HLA-F: variants seen among roughly 807,000 people sequenced by gnomAD.
HLA-F encodes the protein major histocompatibility complex, class I, F, also known as HLA class I histocompatibility antigen, alpha chain F.
A neutral mutation model predicts 49.5 loss-of-function variants in HLA-F; 46 were observed. The observed-to-expected ratio is 0.93, with a 90% CI of 0.73 to 1.19. The LOEUF (loss-of-function observed/expected upper bound fraction) is 1.19. Ranked by LOEUF, HLA-F falls within the 50% of genes most tolerant of loss-of-function variation. The pLI is 0.00. For synonymous variants in HLA-F, 203 were observed against 233.5 expected, an observed-to-expected ratio of 0.87 and a Z score of 1.19; for missense variants, 496 against 579.6, an observed-to-expected ratio of 0.86 and a Z score of 1.48.
In HLA-F at chr6:29,724,432, G is replaced by A; in HGVS notation, c.594G>A (p.Glu198=). ...GCAGATACTTGGAGAATGGGAAGGA[G>A]ACGCTACAGCGCGCAGGTACCAGGG... is the stretch of plus-strand genomic sequence containing the variant. ...LLRRYLENGK[E]TLQRADPPKA... Residue 198 remains glutamate, a synonymous_variant, in exon 3 of 7, where the codon GAG becomes GAA. Transcript: ENST00000259951. 1.2e-6 allele frequency: 2 copies of A among 1,613,228 alleles called. No homozygotes were observed. Among genetic ancestry groups the A allele is most frequent in the East Asian group, 2.2e-5 (1 of 44,876 alleles).
rs117134202 is a variant in HLA-F at position 29,725,751 on chromosome 6, T to G, written c.1003+188T>G. The stretch of plus-strand genomic sequence containing the variant: ...CCTGTGAAAATGAAGGACAGATTCT[T>G]CACTTCGATGATTATGGTGGTGATG... On this transcript the variant is annotated intron_variant, in intron 5 of 6. Coordinates refer to ENST00000259951, the MANE Select transcript of HLA-F (RefSeq NM_001098479.2). 7.2e-5 allele frequency among the ~76,000 whole-genome samples: 11 copies of G among 152,306 alleles called. No individual in the cohort carries two copies. The East Asian group carries it at 2.1e-3, about 29-fold the overall frequency.
At position 29,723,661 on chromosome 6, in the gene HLA-F, C is replaced by T; in HGVS notation, c.68C>T (p.Ser23Phe). ...ALALTDTWAG[S>F]HSLRYFSTAV... ...CTCAGCCCCTCCTCGCCCCCAGGCT[C>T]CCACTCCTTGAGGTATTTCAGCACC... The change falls in exon 2 of 7, where the codon TCC (serine) becomes TTC (phenylalanine). Residue 23 changes from serine to phenylalanine, a missense_variant. Physicochemically the swap from Ser to Phe is radical, Grantham distance 155. Transcript: ENST00000259951. 1.9e-6 allele frequency: 3 copies of T among 1,608,372 alleles called. No individual in the cohort carries two copies. Among genetic ancestry groups the T allele is most frequent in the East Asian group, 2.2e-5 (1 of 44,820 alleles).
chr6:29,734,923 T>A (rs367724636), intron 3 of HLA-F: 2 of 152,182 alleles, frequency 1.3e-5, no homozygotes, highest in South Asian at 2.1e-4. Flanking sequence ...GAAATATGTA[T>A]CCTTTTGTAG....
chr6:29,738,272 G>C (rs2523391), intron 4 of HLA-F: 59,901 of 151,962 alleles, frequency 0.39, 11,983 homozygotes, highest in Non-Finnish European at 0.44. Context: ...GGTGGATGCC[G>C]GGGCTGAGCT....
rs1309391880 is a variant in HLA-F, at chr6:29,723,803, G to A, written c.210G>A (p.Glu70=). The A allele has an allele frequency of 1.6e-5, 26 of 1,606,680 alleles. No individual in the cohort carries two copies. Among genetic ancestry groups the A allele is most frequent in the Non-Finnish European group, 2.2e-5 (26 of 1,177,010 alleles). ...CGATTCCGAGGATGGAGCCGCGGGA[G>A]CCGTGGGTGGAGCAAGAGGGGCCGC... ...DAAIPRMEPR[E]PWVEQEGPQY... The change falls in exon 2 of 7, where the codon GAG becomes GAA. Residue 70 remains glutamate, a synonymous_variant. Coordinates refer to ENST00000259951, the MANE Select transcript of HLA-F (RefSeq NM_001098479.2).
chr6:29,724,528 A>G lies in HLA-F; in HGVS notation c.610+80A>G, dbSNP rs1632953. 0.83 allele frequency: 1,213,291 copies of G among 1,459,942 alleles called. 506,045 individuals carry two copies. The highest frequency in any genetic ancestry group is 0.99 in the East Asian group (43,001 of 43,430). 90.4% of individuals were successfully genotyped at this position (1,459,942 alleles called of 1,614,324 possible). A position where few individuals can be genotyped will look rare whatever the true frequency, so the allele number is the denominator to read the frequency against. ...TCGCACAAGGTTGGGAGGAAAGTGG[A>G]CCCAATGCTAGGATATCGCCCTCCC... On this transcript the variant is annotated intron_variant, in intron 3 of 6. Transcript: ENST00000259951.
rs778151384 is a variant in HLA-F, at chr6:29,726,037, G to T, written c.1030G>T (p.Ala344Ser). 6 of 1,613,854 alleles carry T rather than the reference G, an allele frequency of 3.7e-6. No homozygotes were observed. In the South Asian group the frequency reaches 5.5e-5, roughly 15 times the overall value. The change falls in exon 6 of 7, where the codon GCT becomes TCT. Residue 344 changes from alanine to serine, a missense_variant. Ala to Ser is a moderately conservative substitution (Grantham distance 99). Coordinates refer to ENST00000259951, the MANE Select transcript of HLA-F (RefSeq NM_001098479.2). The part of the protein sequence containing the change: ...SDRNRGSYSQ[A>S]AAYSVVSGNL... Reference sequence around the variant, plus strand: ...TAGAAACAGAGGGAGCTACTCTCAGGCTGCAGGTAAGATGAAGGAGGCTGA... The same window carrying T: ...TAGAAACAGAGGGAGCTACTCTCAGTCTGCAGGTAAGATGAAGGAGGCTGA...
intron 6 of HLA-F, chr6:29,726,513 T>C: frequency 1.3e-6 from 2 of 1,542,056 alleles, no homozygotes; most frequent in Non-Finnish European, 1.7e-6. Flanking sequence ...TAAAAATATA[T>C]CTTTTTATAG....
At chr6:29,734,457 C>A (rs1776891384) in intron 3 of HLA-F, among the ~76,000 whole-genome samples, 1 of 152,100 alleles carries the variant, frequency 6.6e-6, no homozygotes, top group East Asian at 1.9e-4. Flanking sequence ...GACAGAAAGT[C>A]ATTTTGGGGG....
chr6:29,723,880 G>T lies in HLA-F; in HGVS notation c.287G>T (p.Arg96Leu). Reference protein sequence around the residue: ...GYAKANAQTDRVALRNLLRRY... With the variant: ...GYAKANAQTDLVALRNLLRRY... ...GCCAAGGCCAACGCACAGACTGACC[G>T]AGTGGCCCTGAGGAACCTGCTCCGC... The change falls in exon 2 of 7, where the codon CGA (arginine) becomes CTA (leucine). Residue 96 changes from arginine to leucine, a missense_variant. Arg to Leu is a moderately radical substitution (Grantham distance 102). Coordinates refer to ENST00000259951, the MANE Select transcript of HLA-F (RefSeq NM_001098479.2). 1.3e-6 allele frequency: 2 copies of T among 1,593,218 alleles called. No homozygotes were observed. The highest frequency in any genetic ancestry group is 1.7e-6 in the Non-Finnish European group (2 of 1,169,898).
downstream of HLA-F, among the ~76,000 whole-genome samples, chr6:29,731,201 A>G (rs1776548889): frequency 6.6e-6 from 1 of 150,670 alleles, no homozygotes; most frequent in Admixed American, 6.7e-5. Context: ...AGGGTTACCA[A>G]GACAGAAAGA....
At chr6:29,726,270 G>GT (rs775192966) in intron 6 of HLA-F, 1 of 1,044,590 alleles carries the variant, frequency 9.6e-7, no homozygotes, top group South Asian at 1.3e-5. Flanking sequence ...GGGGTGTTGG[G>GT]GGGGAACAGA....
chr6:29,736,717 CA>C, intron 3 of HLA-F: 1 of 237,688 alleles, frequency 4.2e-6, no homozygotes, highest in Non-Finnish European at 8.4e-6. Context: ...CAGTTCTGGA[CA>C]CAGTCACTGC....
In HLA-F at chr6:29,724,462, T is replaced by C. The variant is rs1184327041; in HGVS notation, c.610+14T>C. On this transcript the variant is annotated intron_variant, in intron 3 of 6. Transcript: ENST00000259951. ...TACAGCGCGCAGGTACCAGGGGCCA[T>C]GGGCGCCTTCCCTATCTCCTGTAGA... 2.5e-6 allele frequency: 4 copies of C among 1,610,578 alleles called. No individual in the cohort carries two copies. Among genetic ancestry groups the C allele is most frequent in the East Asian group, 2.2e-5 (1 of 44,818 alleles).
downstream of HLA-F, among the ~76,000 whole-genome samples, chr6:29,730,975 G>A (rs1311644891): frequency 7.1e-6 from 1 of 140,746 alleles, no homozygotes; most frequent in Non-Finnish European, 1.5e-5. Context: ...CTCCCCGGGG[G>A]TCCACATGGC....
rs57237143 is a variant in HLA-F at position 29,725,456 on chromosome 6, C to T, written c.896C>T (p.Pro299Leu). ...QPLILRWEQS[P>L]QPTIPIVGIV... Reference sequence around the variant, plus strand: ...TCCCTTCCTTTCCCAGAGCAGTCTCCCCAGCCCACCATCCCCATCGTGGGC... The same window carrying T: ...TCCCTTCCTTTCCCAGAGCAGTCTCTCCAGCCCACCATCCCCATCGTGGGC... The change falls in exon 5 of 7, where the codon CCC (proline) becomes CTC (leucine). Residue 299 changes from proline to leucine, a missense_variant. Physicochemically the swap from Pro to Leu is moderately conservative, Grantham distance 98. Coordinates refer to ENST00000259951, the MANE Select transcript of HLA-F (RefSeq NM_001098479.2). The T allele has an allele frequency of 3.3e-4, 538 of 1,613,984 alleles. 4 individuals are homozygous for T. In the East Asian group the frequency reaches 0.011, roughly 33 times the overall value.
chr6:29,731,262 T>C (rs1304577635), downstream of HLA-F, among the ~76,000 whole-genome samples: 1 of 148,782 alleles, frequency 6.7e-6, no homozygotes, highest in Non-Finnish European at 1.5e-5. Flanking sequence ...GATAGATAGA[T>C]AGATAGATAG....
At chr6:29,736,611 C>T (rs781046025) in intron 3 of HLA-F, 15 of 331,564 alleles carry the variant, frequency 4.5e-5, no homozygotes, top group Non-Finnish European at 7.6e-5. Context: ...TTCCAGCCTC[C>T]AGGAAACACC....
downstream of HLA-F, among the ~76,000 whole-genome samples, chr6:29,731,560 G>A (rs1776617518): frequency 6.6e-6 from 1 of 152,072 alleles, no homozygotes; most frequent in Admixed American, 6.5e-5. Context: ...ACTCCTTTCT[G>A]CTTTTTTGTT....
Sources: allele counts gnomAD v4.1 joint callset (sites outside exome capture counted in the v4.1 genomes callset), GRCh38; gene constraint gnomAD v4.1.1; transcripts MANE v1.5; gene names NCBI Gene and HGNC (gene_info 2026-07-23, HGNC 2026-07-21).